Variants in LEF1 observed in about 807,000 individuals in gnomAD.
LEF1 encodes the protein lymphoid enhancer binding factor 1.
LEF1 carries 14 observed loss-of-function variants against 51.2 expected under a neutral mutation model. The ratio of observed to expected loss-of-function variants is 0.27; its 90% CI spans 0.18 to 0.43. The LOEUF is 0.43. Among genes scored for constraint, LEF1 ranks in the 20% least tolerant of loss-of-function variants. The probability of loss-of-function intolerance (pLI) is 1.00; values close to 1 mark genes in which losing one functional copy is unlikely to be tolerated. For synonymous variants in LEF1, 185 were observed against 183.2 expected (o/e 1.01, Z -0.08); for missense variants, 386 against 512.0 (o/e 0.75, Z 2.37).
At chr4:108,137,863 A>G (rs2110365330) in intron 3 of LEF1, among the ~76,000 whole-genome samples, 2 of 152,352 alleles carry the variant, frequency 1.3e-5, no homozygotes, top group Middle Eastern at 6.8e-3. Context: ...ATGCCAAAAT[A>G]TAACATTCAC....
intron 3 of LEF1, among the ~76,000 whole-genome samples, chr4:108,110,546 C>G (rs1479722249): frequency 6.6e-6 from 1 of 152,158 alleles, no homozygotes; most frequent in Non-Finnish European, 1.5e-5. Flanking sequence ...AATGTTCTTT[C>G]TTTCTTTACT....
chr4:108,127,832 G>C lies in LEF1; in HGVS notation c.414+35736C>G, dbSNP rs559743121. ...GGAAACAGAAATTTAAGATCTGAAGGGTTTGGGACTAGGCAAAAAGAATGA... is the reference window on the plus strand; with the variant it reads ...GGAAACAGAAATTTAAGATCTGAAGCGTTTGGGACTAGGCAAAAAGAATGA... On this transcript the variant is annotated intron_variant, in intron 3 of 11. Coordinates refer to ENST00000265165, the MANE Select transcript of LEF1 (RefSeq NM_016269.5). 3.2e-4 allele frequency among the ~76,000 whole-genome samples: 49 copies of C among 152,226 alleles called. 2 individuals are homozygous for C. The South Asian group carries it at 0.01, about 32-fold the overall frequency.
chr4:108,113,450 G>A (rs1433993740), intron 3 of LEF1, among the ~76,000 whole-genome samples: 1 of 152,170 alleles, frequency 6.6e-6, no homozygotes, highest in Non-Finnish European at 1.5e-5. Context: ...AGAAATTGTT[G>A]TGGGGGTGGG....
At chr4:108,164,159 T>C (rs901288600) in intron 2 of LEF1, among the ~76,000 whole-genome samples, 63 of 152,132 alleles carry the variant, frequency 4.1e-4, no homozygotes, top group African/African-American at 1.5e-3. Context: ...TGCAGATTTC[T>C]AGAAAAATTT....
intron 3 of LEF1, among the ~76,000 whole-genome samples, chr4:108,106,938 G>T (rs761481110): frequency 6.6e-5 from 10 of 152,154 alleles, no homozygotes; most frequent in Non-Finnish European, 1.5e-4. Flanking sequence ...TGAAAAATGG[G>T]TAGTGACAGA....
chr4:108,086,378 T>C (rs987855967), intron 4 of LEF1, among the ~76,000 whole-genome samples: 10 of 152,258 alleles, frequency 6.6e-5, no homozygotes, highest in Admixed American at 1.3e-4. Flanking sequence ...ATGAACCACA[T>C]TGTGCCCAGC....
chr4:108,065,476 T>C (rs972341412), intron 9 of LEF1, among the ~76,000 whole-genome samples: 2 of 152,094 alleles, frequency 1.3e-5, no homozygotes, highest in Non-Finnish European at 2.9e-5. Context: ...GGCCACAGAG[T>C]GAGACTCCAT....
chr4:108,153,762 C>G (rs1744508408), intron 3 of LEF1, among the ~76,000 whole-genome samples: 2 of 152,112 alleles, frequency 1.3e-5, no homozygotes, highest in African/African-American at 2.4e-5. Context: ...AAAGGTGATA[C>G]AATCTAAATG....
chr4:108,130,296 A>G (rs1355679499), intron 3 of LEF1, among the ~76,000 whole-genome samples: 2 of 152,178 alleles, frequency 1.3e-5, no homozygotes, highest in African/African-American at 2.4e-5. Context: ...AGTTTGACAG[A>G]TAACTATCTA....
intron 3 of LEF1, among the ~76,000 whole-genome samples, chr4:108,102,193 GAACAT>G (rs1241672091): frequency 5.9e-5 from 9 of 152,106 alleles, no homozygotes; most frequent in Non-Finnish European, 1.3e-4. Flanking sequence ...GAATCTGAAA[GAACAT>G]AAATGGTAAT....
intron 3 of LEF1, among the ~76,000 whole-genome samples, chr4:108,118,669 T>A (rs1192016788): frequency 6.6e-6 from 1 of 152,178 alleles, no homozygotes; most frequent in Non-Finnish European, 1.5e-5. Flanking sequence ...CTATTTTTTT[T>A]AAAGGCTCTT....
Position 108,081,603 on chromosome 4 carries a change from G to C in LEF1, c.705C>G (p.Val235=), listed in dbSNP as rs140529186. ...FRQPYPSSLS[V]DTSMSRFSHH... Reference sequence around the variant, plus strand: ...CCACCTACCTGGACATGGAAGTGTCGACTGACAGTGAGGATGGGTAGGGTT... The same window carrying C: ...CCACCTACCTGGACATGGAAGTGTCCACTGACAGTGAGGATGGGTAGGGTT... Residue 235 remains valine, a synonymous_variant, in exon 6 of 12, where the codon GTC becomes GTG. Coordinates refer to ENST00000265165, the MANE Select transcript of LEF1 (RefSeq NM_016269.5). The C allele has an allele frequency of 6.2e-7, 1 of 1,613,916 alleles. No individual in the cohort carries two copies. The highest frequency in any genetic ancestry group is 2.2e-5 in the East Asian group (1 of 44,870).
At chr4:108,079,197 T>C (rs765280626) in intron 7 of LEF1, among the ~76,000 whole-genome samples, 3 of 142,898 alleles carry the variant, frequency 2.1e-5, no homozygotes, top group African/African-American at 7.6e-5. Flanking sequence ...GAAAATTCAG[T>C]GGTAAATGGC....
At chr4:108,109,244 GAGCACTT>G (rs1560796425) in intron 3 of LEF1, among the ~76,000 whole-genome samples, 1 of 152,214 alleles carries the variant, frequency 6.6e-6, no homozygotes, top group African/African-American at 2.4e-5. Flanking sequence ...TTTTTAGCCT[GAGCACTT>G]CCTCGGCGCT....
At chr4:108,129,156 C>G (rs1742717853) in intron 3 of LEF1, among the ~76,000 whole-genome samples, 1 of 152,164 alleles carries the variant, frequency 6.6e-6, no homozygotes, top group Non-Finnish European at 1.5e-5. Flanking sequence ...GAATACACAG[C>G]AGAAAGTTCC....
At chr4:108,077,219 G>T (rs934913413) in intron 8 of LEF1, among the ~76,000 whole-genome samples, 1 of 151,936 alleles carries the variant, frequency 6.6e-6, no homozygotes, top group South Asian at 2.1e-4. Flanking sequence ...CCACTGTCCC[G>T]TCTAGCAAGT....
chr4:108,112,897 ATCTG>A (rs1741617422), intron 3 of LEF1, among the ~76,000 whole-genome samples: 1 of 152,194 alleles, frequency 6.6e-6, no homozygotes, highest in African/African-American at 2.4e-5. Flanking sequence ...GTAAAATATT[ATCTG>A]TCTCTAAGAC....
chr4:108,124,257 TA>T (rs1282038949), intron 3 of LEF1, among the ~76,000 whole-genome samples: 2 of 152,234 alleles, frequency 1.3e-5, no homozygotes, highest in Non-Finnish European at 2.9e-5. Flanking sequence ...CAAAGCCAGA[TA>T]TTTTTTCAGT....
At chr4:108,066,714 T>A (rs4956153) in intron 9 of LEF1, among the ~76,000 whole-genome samples, 2 of 152,094 alleles carry the variant, frequency 1.3e-5, no homozygotes, top group African/African-American at 4.8e-5. Flanking sequence ...AATGTCAAGT[T>A]ATACAAAAAC....
Sources: gnomAD v4.1 joint callset for allele counts (sites outside exome capture counted in the v4.1 genomes callset) on GRCh38, gnomAD v4.1.1 for gene constraint, MANE v1.5 for transcripts, NCBI Gene and HGNC (gene_info 2026-07-23, HGNC 2026-07-21) for gene names.